Variants in GSTA5 observed in about 807,000 individuals in gnomAD.
GSTA5 encodes glutathione S-transferase A5.
In GSTA5, 25 loss-of-function variants were observed where a neutral mutation model predicts 21.8. That is an observed-to-expected ratio of 1.14 (90% confidence interval 0.83 to 1.60). The LOEUF is 1.60. GSTA5 is among the 40% of genes most tolerant of loss of function. The pLI is 0.00. For missense variants in GSTA5, 330 were observed against 259.2 expected (o/e 1.27, Z -1.88); for synonymous variants, 102 against 89.5 (o/e 1.14, Z -0.78).
At chr6:52,835,959 C>A (rs890562136) in intron 3 of GSTA5, among the ~76,000 whole-genome samples, 11 of 152,162 alleles carry the variant, frequency 7.2e-5, no homozygotes, top group African/African-American at 2.7e-4. Flanking sequence ...GATTCCCCAT[C>A]CTCCTCAGTT....
At chr6:52,842,238 A>G (rs3996994), upstream of GSTA5, among the ~76,000 whole-genome samples, 140,533 of 152,116 alleles carry the variant, frequency 0.92, 65,100 homozygotes, top group Non-Finnish European at 0.96. Flanking sequence ...GAATGGAAGG[A>G]CACAGGACTC....
upstream of GSTA5, chr6:52,840,858 G>T (rs377153282): frequency 1.3e-6 from 2 of 1,497,866 alleles, no homozygotes; most frequent in Non-Finnish European, 1.8e-6. Flanking sequence ...ATGAATGAAT[G>T]AATAATTGAA....
chr6:52,839,646 G>C (rs1380018771), intron 1 of GSTA5, among the ~76,000 whole-genome samples: 2 of 152,122 alleles, frequency 1.3e-5, no homozygotes, highest in South Asian at 2.1e-4. Flanking sequence ...GCTGCCACCC[G>C]AGGGACAAGA....
chr6:52,839,675 G>T (rs559790359), intron 1 of GSTA5, among the ~76,000 whole-genome samples: 180 of 152,258 alleles, frequency 1.2e-3, no homozygotes, highest in African/African-American at 4.3e-3. Flanking sequence ...GTTTGTCCAT[G>T]ACTCACTTCC....
intron 1 of GSTA5, among the ~76,000 whole-genome samples, chr6:52,839,561 G>C (rs571821952): frequency 6.6e-6 from 1 of 152,134 alleles, no homozygotes; most frequent in Non-Finnish European, 1.5e-5. Context: ...AGGTCCACAC[G>C]GCGCTGTGAG....
At chr6:52,838,901 C>G (rs1764327806) in intron 1 of GSTA5, among the ~76,000 whole-genome samples, 1 of 152,174 alleles carries the variant, frequency 6.6e-6, no homozygotes, top group Non-Finnish European at 1.5e-5. Context: ...GATACAGGGC[C>G]TGACCCACAT....
At chr6:52,838,917 A>G (rs1764328185) in intron 1 of GSTA5, among the ~76,000 whole-genome samples, 1 of 152,234 alleles carries the variant, frequency 6.6e-6, no homozygotes, top group Non-Finnish European at 1.5e-5. Context: ...CACATACATC[A>G]AGTAATAAAT....
intron 4 of GSTA5, among the ~76,000 whole-genome samples, chr6:52,833,274 CTT>C (rs1764243233): frequency 6.6e-6 from 1 of 152,204 alleles, no homozygotes; most frequent in Non-Finnish European, 1.5e-5. Flanking sequence ...GCGCCAAGGA[CTT>C]AGCACCTGCC....
In GSTA5 at chr6:52,837,556, AC is replaced by A; in HGVS notation, c.139+1del. The A allele has an allele frequency of 6.3e-7, 1 of 1,595,990 alleles. No individual in the cohort carries two copies. The highest frequency in any genetic ancestry group is 8.6e-7 in the Non-Finnish European group (1 of 1,164,064). ...TCAGAGTTACTTAGAGATTGATCTTACCATTTCTTAACTTGTCCAAATCTTC... is the reference window on the plus strand; with the variant it reads ...TCAGAGTTACTTAGAGATTGATCTTACATTTCTTAACTTGTCCAAATCTTC... On this transcript the variant is annotated splice_donor_variant, in intron 2 of 5. Transcript: ENST00000370989. LOFTEE classifies it high-confidence loss of function.
At chr6:52,832,482 C>A (rs1171908502) in intron 5 of GSTA5, among the ~76,000 whole-genome samples, 2 of 152,204 alleles carry the variant, frequency 1.3e-5, no homozygotes, top group South Asian at 2.1e-4. Context: ...GGGAGGAAAC[C>A]AGATGGAAAG....
At chr6:52,838,018 A>G (rs1168833261) in intron 1 of GSTA5, among the ~76,000 whole-genome samples, 1 of 152,222 alleles carries the variant, frequency 6.6e-6, no homozygotes, top group Non-Finnish European at 1.5e-5. Context: ...GCTAATGGCC[A>G]TCAAATATTC....
intron 2 of GSTA5, 120 bp downstream of exon 2, chr6:52,837,438 C>T: frequency 3.3e-6 from 2 of 605,776 alleles, no homozygotes; most frequent in South Asian, 4.2e-5. Flanking sequence ...TAACCACTTT[C>T]TCCCTCTCCA....
chr6:52,834,182 T>G, exon 4 of GSTA5: 1 of 1,614,214 alleles, frequency 6.2e-7, no homozygotes, highest in Non-Finnish European at 8.5e-7. Flanking sequence ...ATTTTCTCTT[T>G]GACCAAGGCA....
chr6:52,837,455 C>T, intron 2 of GSTA5, 103 bp downstream of exon 2: 2 of 711,408 alleles, frequency 2.8e-6, no homozygotes, highest in Non-Finnish European at 4.9e-6. Flanking sequence ...TCCACCGTGA[C>T]TAAATATCAC....
chr6:52,836,330 TCTCAAC>T, exon 3 of GSTA5: 2 of 1,613,326 alleles, frequency 1.2e-6, no homozygotes, highest in Non-Finnish European at 1.7e-6. Flanking sequence ...ATCCCGTCAA[TCTCAAC>T]CATTGGTACT....
At chr6:52,844,701 ATT>A (rs1299851823), upstream of GSTA5, among the ~76,000 whole-genome samples, 3 of 152,142 alleles carry the variant, frequency 2.0e-5, no homozygotes, top group Non-Finnish European at 4.4e-5. Flanking sequence ...AGAGGTAGTT[ATT>A]TCTACTTTTG....
chr6:52,833,491 T>A (rs893975814), intron 4 of GSTA5, among the ~76,000 whole-genome samples: 4 of 152,182 alleles, frequency 2.6e-5, no homozygotes, highest in Admixed American at 1.3e-4. Flanking sequence ...TCTCCCTGGG[T>A]TCTGAAGTAA....
At chr6:52,831,871 C>G (rs202150258) in exon 6 of GSTA5, 14 of 1,614,044 alleles carry the variant, frequency 8.7e-6, no homozygotes, top group Non-Finnish European at 1.0e-5. Context: ...ATCTTCCTTG[C>G]TTCTTCTAAA....
upstream of GSTA5, among the ~76,000 whole-genome samples, chr6:52,845,060 T>C (rs1764434858): frequency 6.6e-6 from 1 of 152,182 alleles, no homozygotes; most frequent in Non-Finnish European, 1.5e-5. Context: ...CATGGAACTC[T>C]AGTAGGAATA....
Sources: gnomAD v4.1 joint callset for allele counts (sites outside exome capture counted in the v4.1 genomes callset) on GRCh38, gnomAD v4.1.1 for gene constraint, MANE v1.5 for transcripts, NCBI Gene and HGNC (gene_info 2026-07-23, HGNC 2026-07-21) for gene names.